The following PRKCE variants were observed in gnomAD, a reference collection of about 807,000 sequenced individuals.
PRKCE encodes the protein protein kinase C epsilon type.
A neutral mutation model predicts 85.4 loss-of-function variants in PRKCE; 16 were observed. The observed-to-expected ratio is 0.19, with a 90% CI of 0.13 to 0.28. The LOEUF (loss-of-function observed/expected upper bound fraction) is 0.28, where lower values mean the gene tolerates loss of function less well. Ranked by LOEUF, PRKCE falls within the 10% of genes least tolerant of loss-of-function variation. PRKCE has a pLI of 1.00. For synonymous variants in PRKCE, 388 were observed against 371.5 expected (o/e 1.04, Z -0.51); for missense variants, 573 against 975.2 (o/e 0.59, Z 5.49).
In PRKCE at chr2:45,652,194, C is replaced by T; in HGVS notation, c.94C>T (p.Arg32Trp). Residue 32 changes from arginine (R) to tryptophan (W), a missense_variant, in exon 1 of 15, where the codon CGG becomes TGG. Coordinates refer to ENST00000306156, the MANE Select transcript of PRKCE (RefSeq NM_005400.3). This position sits in a 1 kb window ranked among gnomAD's most constrained non-coding sequence, Gnocchi z 7.7. ...AWSLRHAVGPRPQTFLLDPYI... is the reference protein window; with the variant it reads ...AWSLRHAVGPWPQTFLLDPYI... The stretch of plus-strand genomic sequence containing the variant: ...GTCGCTGCGCCATGCGGTGGGACCC[C>T]GGCCGCAGACTTTCCTTCTCGACCC... 6.2e-7 allele frequency: 1 copy of T among 1,613,562 alleles called. No individual in the cohort carries two copies. The highest frequency in any genetic ancestry group is 8.5e-7 in the Non-Finnish European group (1 of 1,179,936).
intron 1 of PRKCE, among the ~76,000 whole-genome samples, chr2:45,715,904 A>G (rs1408464233): frequency 1.3e-5 from 2 of 152,158 alleles, no homozygotes. Context: ...CACTCCCCCC[A>G]TGATGCCTCT....
chr2:46,098,277 TC>T (rs1412505761), intron 11 of PRKCE, among the ~76,000 whole-genome samples: 7 of 152,078 alleles, frequency 4.6e-5, no homozygotes, highest in Non-Finnish European at 1.0e-4. Context: ...GAACTTAACT[TC>T]CCTAAACCTC....
chr2:45,679,911 A>C (rs1398217454), intron 1 of PRKCE, among the ~76,000 whole-genome samples: 1 of 152,260 alleles, frequency 6.6e-6, no homozygotes, highest in Non-Finnish European at 1.5e-5. Context: ...AAAGGGCATG[A>C]GAAGTCTCTC....
At chr2:45,707,018 C>T (rs1297098783) in intron 1 of PRKCE, among the ~76,000 whole-genome samples, 1 of 152,192 alleles carries the variant, frequency 6.6e-6, no homozygotes, top group Non-Finnish European at 1.5e-5. Flanking sequence ...GGGGAACTAG[C>T]TCTCTCCCCA....
chr2:45,865,740 C>A (rs1052454583), intron 2 of PRKCE, among the ~76,000 whole-genome samples: 3 of 152,000 alleles, frequency 2.0e-5, no homozygotes, highest in Non-Finnish European at 2.9e-5. Context: ...CATCAAACAA[C>A]TGAACCTGCC....
chr2:46,147,094 A>T (rs1174636387), intron 12 of PRKCE, among the ~76,000 whole-genome samples: 1 of 152,168 alleles, frequency 6.6e-6, no homozygotes, highest in Non-Finnish European at 1.5e-5. Context: ...CTCGAAGTGA[A>T]GGTGATGAGT....
Position 45,976,717 on chromosome 2 carries a change from A to G in PRKCE, c.572+129A>G, listed in dbSNP as rs1274834391. 6.1e-6 allele frequency: 7 copies of G among 1,140,506 alleles called. No individual in the cohort carries two copies. In the East Asian group the frequency reaches 1.4e-4, roughly 23 times the overall value. The allele number at this position is 1,140,506 out of a possible 1,614,324, so 70.6% of individuals were successfully genotyped here. ...CCTCGTTTCTTCCTTATCTGAATGC[A>G]GGGGACTATTATGGAAGGCTAAGTG... On this transcript the variant is annotated intron_variant, in intron 3 of 14. Coordinates refer to ENST00000306156, the MANE Select transcript of PRKCE (RefSeq NM_005400.3).
intron 10 of PRKCE, among the ~76,000 whole-genome samples, chr2:46,085,510 C>T (rs766176452): frequency 3.6e-4 from 54 of 151,860 alleles, no homozygotes; most frequent in Non-Finnish European, 5.4e-4. Flanking sequence ...CCAGAGGTTC[C>T]GCTCCTTGCC....
intron 11 of PRKCE, among the ~76,000 whole-genome samples, chr2:46,113,897 T>C (rs4356700): frequency 0.39 from 58,830 of 152,108 alleles, 13,685 homozygotes; most frequent in East Asian, 0.53. Context: ...GGACCTCAGA[T>C]AGATGATTGG....
intron 2 of PRKCE, among the ~76,000 whole-genome samples, chr2:45,889,201 G>A (rs1028594176): frequency 2.6e-5 from 4 of 152,184 alleles, no homozygotes; most frequent in Admixed American, 6.5e-5. Flanking sequence ...AGGGAAACAC[G>A]CTGTGGGGTG....
chr2:45,733,433 A>G (rs1381930401), intron 1 of PRKCE, among the ~76,000 whole-genome samples: 2 of 152,220 alleles, frequency 1.3e-5, no homozygotes, highest in Non-Finnish European at 2.9e-5. Context: ...GGGAAGACAA[A>G]TAATACGCAA....
chr2:46,014,014 A>C (rs1229791026), intron 10 of PRKCE, among the ~76,000 whole-genome samples: 2 of 152,230 alleles, frequency 1.3e-5, no homozygotes, highest in Non-Finnish European at 2.9e-5. Context: ...GTGAAGGGCC[A>C]ACTTACAGCT....
chr2:46,181,855 A>G (rs1388821416), intron 14 of PRKCE, among the ~76,000 whole-genome samples: 2 of 152,150 alleles, frequency 1.3e-5, no homozygotes, highest in Non-Finnish European at 2.9e-5. Flanking sequence ...TATATCATAC[A>G]TTAGTTGAAA....
Position 45,877,884 on chromosome 2 carries a change from G to A in PRKCE, c.412+34821G>A, listed in dbSNP as rs116837119. On this transcript the variant is annotated intron_variant, in intron 2 of 14. Transcript: ENST00000306156. ...TCCTTCCTCAGGAAAGGACCTTCAC[G>A]CCTCTCAAAATATCAAAGAACAGGA... Among the ~76,000 whole-genome samples the A allele has an allele frequency of 1.6e-3, 243 of 152,250 alleles. 1 individual carries two copies. The highest frequency in any genetic ancestry group is 5.6e-3 in the African/African-American group (234 of 41,544).
rs1680406243 is a variant in PRKCE, at chr2:46,185,770, T to A, written c.*889T>A. 1 of 152,138 alleles carries A rather than the reference T, an allele frequency of 6.6e-6. No homozygotes were observed. Among genetic ancestry groups the A allele is most frequent in the Admixed American group, 6.5e-5 (1 of 15,272 alleles). 9.4% of individuals were successfully genotyped at this position (152,138 alleles called of 1,614,324 possible). A position where few individuals can be genotyped will look rare whatever the true frequency, so the allele number is the denominator to read the frequency against. Reference sequence around the variant, plus strand: ...GGCAACAAGTAGCATTCTTCATCATTCAAGTTCTACCTGGACACAAAGGCG... The same window carrying A: ...GGCAACAAGTAGCATTCTTCATCATACAAGTTCTACCTGGACACAAAGGCG... On this transcript the variant is annotated 3_prime_UTR_variant, in exon 15 of 15. Coordinates refer to ENST00000306156, the MANE Select transcript of PRKCE (RefSeq NM_005400.3). The surrounding 1 kb of genome is among the most constrained non-coding windows in gnomAD (Gnocchi z 4.7).
intron 2 of PRKCE, among the ~76,000 whole-genome samples, chr2:45,893,205 G>T (rs1226102107): frequency 6.6e-6 from 1 of 152,206 alleles, no homozygotes; most frequent in Non-Finnish European, 1.5e-5. Flanking sequence ...TTCCTTCAGA[G>T]AACTTGGGGA....
intron 11 of PRKCE, 85 bp downstream of exon 11, chr2:46,086,447 A>T: frequency 6.8e-7 from 1 of 1,471,022 alleles, no homozygotes; most frequent in Non-Finnish European, 9.1e-7. Context: ...GCTCCTGCCC[A>T]CTCGTCTCTT....
At chr2:45,944,655 A>ATTTTTT (rs71394861) in intron 2 of PRKCE, among the ~76,000 whole-genome samples, 1,362 of 75,536 alleles carry the variant, frequency 0.018, 211 homozygotes, top group African/African-American at 0.02. Flanking sequence ...TACCCGGCTA[A>ATTTTTT]TTTTTTTTTT....
chr2:45,925,808 C>CCT (rs1698573644), intron 2 of PRKCE, among the ~76,000 whole-genome samples: 1 of 152,212 alleles, frequency 6.6e-6, no homozygotes, highest in Non-Finnish European at 1.5e-5. Context: ...TTTCAATCAT[C>CCT]GTGGGCTGGG....
Sources: gnomAD v4.1 joint callset for allele counts (sites outside exome capture counted in the v4.1 genomes callset) on GRCh38, gnomAD v4.1.1 for gene constraint, Gnocchi (gnomAD v3.1) non-coding constraint, MANE v1.5 for transcripts, NCBI Gene and HGNC (gene_info 2026-07-23, HGNC 2026-07-21) for gene names.